The following OVCH1 variants were observed in gnomAD, a reference collection of about 807,000 sequenced individuals.
OVCH1 encodes ovochymase 1, also known as ovochymase-1.
OVCH1 carries 139 observed loss-of-function variants against 138.4 expected under a neutral mutation model. The ratio of observed to expected loss-of-function variants is 1.00; its 90% CI spans 0.87 to 1.16. OVCH1 has a LOEUF of 1.16. OVCH1 is among the 50% of genes most tolerant of loss of function. The probability of loss-of-function intolerance (pLI) is 0.00; values close to 1 mark genes in which losing one functional copy is unlikely to be tolerated. For missense variants in OVCH1, 1,367 were observed against 1,357.9 expected, an observed-to-expected ratio of 1.01 and a Z score of -0.11; for synonymous variants, 453 against 467.8, an observed-to-expected ratio of 0.97 and a Z score of 0.41.
At chr12:29,480,428 T>C (rs1252416406) in intron 8 of OVCH1, among the ~76,000 whole-genome samples, 1 of 152,208 alleles carries the variant, frequency 6.6e-6, no homozygotes, top group Non-Finnish European at 1.5e-5. Flanking sequence ...CATCATCTAA[T>C]TATTTTCGTC....
At chr12:29,426,455 C>A (rs1313523572), downstream of OVCH1, among the ~76,000 whole-genome samples, 1 of 152,110 alleles carries the variant, frequency 6.6e-6, no homozygotes, top group Non-Finnish European at 1.5e-5. Context: ...TGAAAAGTCC[C>A]AAATTGATAT....
chr12:29,440,218 G>A (rs1221482328), intron 25 of OVCH1, among the ~76,000 whole-genome samples: 1 of 152,132 alleles, frequency 6.6e-6, no homozygotes, highest in Non-Finnish European at 1.5e-5. Context: ...CCCAGAGCTT[G>A]TAAACCTTAT....
intron 8 of OVCH1, among the ~76,000 whole-genome samples, 137 bp from the exon 9 acceptor site, chr12:29,484,937 G>A (rs565703188): frequency 2.0e-5 from 3 of 152,266 alleles, no homozygotes; most frequent in Admixed American, 6.5e-5. Flanking sequence ...AATATTTTTA[G>A]AAGCTATGAT....
Position 29,496,725 on chromosome 12 carries a change from T to C in OVCH1, c.65-51A>G, listed in dbSNP as rs1565619543. On this transcript the variant is annotated intron_variant, in intron 1 of 27. Transcript: ENST00000318184. Reference sequence around the variant, plus strand: ...CACACACAGAGCCTTATGTAAGAGTTCACTTTACCAAGATTTCCCATTTGG... The same window carrying C: ...CACACACAGAGCCTTATGTAAGAGTCCACTTTACCAAGATTTCCCATTTGG... 11 of 1,367,528 alleles carry C rather than the reference T, an allele frequency of 8.0e-6. No homozygotes were observed. The East Asian group carries it at 1.9e-4, about 24-fold the overall frequency. The allele number at this position is 1,367,528 out of a possible 1,614,324, so 84.7% of individuals were successfully genotyped here. A position where few individuals can be genotyped will look rare whatever the true frequency, so the allele number is the denominator to read the frequency against.
chr12:29,487,592 C>T (rs1448266681), intron 7 of OVCH1, 101 bp downstream of exon 7: 2 of 1,159,212 alleles, frequency 1.7e-6, no homozygotes, highest in Non-Finnish European at 2.4e-6. Context: ...AAACCAGCCT[C>T]ATTCTTGCTT....
chr12:29,487,644 G>T (rs1943148781), intron 7 of OVCH1, 49 bp downstream of exon 7: 1 of 1,492,946 alleles, frequency 6.7e-7, no homozygotes, highest in African/African-American at 1.4e-5. Context: ...ACATAGCAGA[G>T]TAACTACCCT....
chr12:29,444,837 G>C (rs1371999711), intron 23 of OVCH1, among the ~76,000 whole-genome samples: 1 of 151,958 alleles, frequency 6.6e-6, no homozygotes, highest in Non-Finnish European at 1.5e-5. Context: ...TAATATTTGT[G>C]TAGTTTGTTT....
In OVCH1 at chr12:29,454,953, G is replaced by T. The variant is rs1423331860; in HGVS notation, c.2438-20C>A. 1.9e-6 allele frequency: 3 copies of T among 1,571,986 alleles called. No individual in the cohort carries two copies. The highest frequency in any genetic ancestry group is 2.6e-6 in the Non-Finnish European group (3 of 1,146,460). On this transcript the variant is annotated intron_variant, in intron 20 of 27. Coordinates refer to ENST00000318184, the Ensembl canonical transcript of OVCH1. Reference sequence around the variant, plus strand: ...CAGGACCTGTATTTGGGGAGAACATGTTAAAAATAAAGATGAAAGCCTGAG... The same window carrying T: ...CAGGACCTGTATTTGGGGAGAACATTTTAAAAATAAAGATGAAAGCCTGAG...
intron 8 of OVCH1, among the ~76,000 whole-genome samples, chr12:29,482,449 A>G (rs1319360856): frequency 2.6e-5 from 4 of 152,044 alleles, no homozygotes; most frequent in Non-Finnish European, 5.9e-5. Flanking sequence ...TTTTTGATAT[A>G]GCATTTACTA....
chr12:29,424,465 C>A (rs1941150475), downstream of OVCH1, among the ~76,000 whole-genome samples: 1 of 152,208 alleles, frequency 6.6e-6, no homozygotes, highest in Non-Finnish European at 1.5e-5. Context: ...CTGTTCCCAA[C>A]AGGAAACTGT....
At chr12:29,459,278 T>C (rs1459899790) in intron 19 of OVCH1, among the ~76,000 whole-genome samples, 2 of 152,190 alleles carry the variant, frequency 1.3e-5, no homozygotes, top group African/African-American at 2.4e-5. Flanking sequence ...GTGGTTCATA[T>C]ACACAATGGA....
exon 7 of OVCH1, chr12:29,487,881 C>T: frequency 6.2e-7 from 1 of 1,600,908 alleles, no homozygotes; most frequent in South Asian, 1.1e-5. Flanking sequence ...TCCAGAGTCC[C>T]CCTTTCATGG....
At position 29,449,276 on chromosome 12, in the gene OVCH1, TACACACACAC is replaced by T. The variant is rs10651165; in HGVS notation, c.2755+2059_2755+2068del. Among the ~76,000 whole-genome samples, 549 of 137,428 alleles carry T rather than the reference TACACACACAC, an allele frequency of 4.0e-3. 2 individuals carry two copies. The highest frequency in any genetic ancestry group is 0.014 in the African/African-American group (516 of 37,384). 90.2% of individuals were successfully genotyped at this position (137,428 alleles called of 152,430 possible). On this transcript the variant is annotated intron_variant, in intron 22 of 27. Coordinates refer to ENST00000318184, the Ensembl canonical transcript of OVCH1. Reference sequence around the variant, plus strand: ...CCCTCTTGCCTTTTTCCCCCCTCCCTACACACACACACACACACACACACACACACACACA... The same window carrying T: ...CCCTCTTGCCTTTTTCCCCCCTCCCTACACACACACACACACACACACACA...
chr12:29,471,933 G>A (rs559859426), exon 16 of OVCH1: 11 of 1,613,252 alleles, frequency 6.8e-6, no homozygotes, highest in South Asian at 3.3e-5. Flanking sequence ...CCCCTCCTGC[G>A]ATTCTTCTGG....
rs533276024 is a variant in OVCH1 at position 29,455,100 on chromosome 12, C to T, written c.2437+149G>A. The T allele has an allele frequency of 1.6e-4, 177 of 1,141,872 alleles. 1 individual carries two copies. The highest frequency in any genetic ancestry group is 2.1e-4 in the Non-Finnish European group (171 of 814,538). 70.7% of individuals were successfully genotyped at this position (1,141,872 alleles called of 1,614,324 possible). ...TCTACACATGGGAGAACTTATTTTG[C>T]AGAATCTTGCATTTTAGTGTGTTTA... On this transcript the variant is annotated intron_variant, in intron 20 of 27. Transcript: ENST00000318184.
intron 25 of OVCH1, among the ~76,000 whole-genome samples, chr12:29,442,777 A>G (rs1941521435): frequency 6.6e-6 from 1 of 152,030 alleles, no homozygotes; most frequent in Admixed American, 6.6e-5. Flanking sequence ...AATGTCAGCT[A>G]AAGTATGAGA....
At chr12:29,419,084 C>T (rs1941068872) in intron 3 of OVCH1, among the ~76,000 whole-genome samples, 1 of 151,954 alleles carries the variant, frequency 6.6e-6, no homozygotes, top group African/African-American at 2.4e-5. Flanking sequence ...TCTCAAACTC[C>T]CAGCCCAAAG....
intron 3 of OVCH1, among the ~76,000 whole-genome samples, chr12:29,418,735 C>T (rs890265863): frequency 6.6e-6 from 1 of 152,142 alleles, no homozygotes; most frequent in African/African-American, 2.4e-5. Context: ...GAGGTAACTT[C>T]TTTCTGTTAC....
chr12:29,446,923 TA>T (rs1291163893), intron 22 of OVCH1, among the ~76,000 whole-genome samples: 1 of 151,834 alleles, frequency 6.6e-6, no homozygotes, highest in Non-Finnish European at 1.5e-5. Flanking sequence ...CGGATACATT[TA>T]AACAACTAAA....
Sources: gnomAD v4.1 joint callset for allele counts (sites outside exome capture counted in the v4.1 genomes callset) on GRCh38, gnomAD v4.1.1 for gene constraint, MANE v1.5 for transcripts, NCBI Gene and HGNC (gene_info 2026-07-23, HGNC 2026-07-21) for gene names.